The following PCCB variants were observed in gnomAD, a reference collection of about 807,000 sequenced individuals.
PCCB encodes the protein propionyl-CoA carboxylase beta chain, mitochondrial.
In PCCB, 43 loss-of-function variants were observed where a neutral mutation model predicts 60.7. The ratio of observed to expected loss-of-function variants is 0.71; its 90% CI spans 0.55 to 0.91. The LOEUF is 0.91. Ranked by LOEUF, PCCB falls within the 40% of genes least tolerant of loss-of-function variation. PCCB has a pLI of 0.00. For missense variants in PCCB, 766 were observed against 702.8 expected, an observed-to-expected ratio of 1.09 and a Z score of -1.02; for synonymous variants, 276 against 255.9, an observed-to-expected ratio of 1.08 and a Z score of -0.75.
Position 136,316,971 on chromosome 3 carries a change from A to C in PCCB, c.997A>C (p.Met333Leu). 6.2e-7 allele frequency: 1 copy of C among 1,614,130 alleles called. No individual in the cohort carries two copies. The highest frequency in any genetic ancestry group is 8.5e-7 in the Non-Finnish European group (1 of 1,179,972). Reference sequence around the variant, plus strand: ...TGATGAGCGTGAATTTTTTGAGATCATGCCCAATTATGCCAAGAACATCAT... The same window carrying C: ...TGATGAGCGTGAATTTTTTGAGATCCTGCCCAATTATGCCAAGAACATCAT... ...VVDEREFFEI[M>L]PNYAKNIIVG... is the part of the protein sequence containing the mutation. The change falls in exon 10 of 15, where the codon ATG becomes CTG. Residue 333 changes from methionine to leucine, a missense_variant. By Grantham distance (15) the Met-to-Leu change is conservative. Coordinates refer to ENST00000251654, the MANE Select transcript of PCCB (RefSeq NM_000532.5).
intron 10 of PCCB, among the ~76,000 whole-genome samples, chr3:136,320,444 C>T (rs1041161886): frequency 1.3e-5 from 2 of 152,146 alleles, no homozygotes; most frequent in East Asian, 3.8e-4. Flanking sequence ...TTTTATTCTT[C>T]TAGATGTCAT....
intron 6 of PCCB, among the ~76,000 whole-genome samples, chr3:136,286,766 C>G (rs1361391965): frequency 2.0e-5 from 3 of 152,158 alleles, no homozygotes; most frequent in Admixed American, 1.3e-4. Flanking sequence ...AACCTGGGAG[C>G]TGAAGGTTGC....
At chr3:136,324,557 G>T (rs540216992) in intron 10 of PCCB, among the ~76,000 whole-genome samples, 1 of 151,352 alleles carries the variant, frequency 6.6e-6, no homozygotes, top group Admixed American at 6.6e-5. Flanking sequence ...CCCTATTCAC[G>T]GGTGCTTTTG....
Position 136,327,689 on chromosome 3 carries a change from A to G in PCCB, c.1355A>G (p.Asn452Ser), listed in dbSNP as rs746240889. The G allele has an allele frequency of 2.0e-5, 33 of 1,614,062 alleles. No individual in the cohort carries two copies. The highest frequency in any genetic ancestry group is 1.7e-4 in the Middle Eastern group (1 of 6,036). Residue 452 changes from asparagine (N) to serine (S), a missense_variant, in exon 13 of 15, where the codon AAC (asparagine) becomes AGC (serine). Physicochemically the swap from Asn to Ser is conservative, Grantham distance 46. Transcript: ENST00000251654. Reference protein sequence around the residue: ...MSSKHLCGDTNYAWPTAEIAV... With the variant: ...MSSKHLCGDTSYAWPTAEIAV... ...TCTAAGCACCTTTGTGGTGATACCA[A>G]CTATGCCTGGCCCACCGCAGAGATT... is the stretch of plus-strand genomic sequence containing the variant.
chr3:136,273,687 C>T (rs1270322705), intron 5 of PCCB, among the ~76,000 whole-genome samples: 3 of 134,712 alleles, frequency 2.2e-5, no homozygotes, highest in South Asian at 2.5e-4. Context: ...CCAAGACGGG[C>T]GGATCGCGAG....
intron 3 of PCCB, chr3:136,260,072 G>GTT: frequency 3.7e-6 from 1 of 273,134 alleles, no homozygotes; most frequent in Non-Finnish European, 7.0e-6. Flanking sequence ...GTTTTGTTTT[G>GTT]TTTTGTTTTG....
At chr3:136,315,276 G>C (rs551198439) in intron 9 of PCCB, among the ~76,000 whole-genome samples, 1 of 152,154 alleles carries the variant, frequency 6.6e-6, no homozygotes, top group Non-Finnish European at 1.5e-5. Context: ...GGTGGCTCAC[G>C]CCTGTAATCC....
At chr3:136,271,492 G>GA (rs567859732) in intron 5 of PCCB, among the ~76,000 whole-genome samples, 1 of 152,152 alleles carries the variant, frequency 6.6e-6, no homozygotes, top group Non-Finnish European at 1.5e-5. Flanking sequence ...CCATGAGCAT[G>GA]AGATGTGTTT....
chr3:136,251,139 C>A (rs1485193189), intron 1 of PCCB: 1 of 445,048 alleles, frequency 2.2e-6, no homozygotes, highest in Non-Finnish European at 4.5e-6. Flanking sequence ...AGCAAAGGCA[C>A]GTGTCGGAAG....
At chr3:136,323,563 C>T (rs1270292492) in intron 10 of PCCB, among the ~76,000 whole-genome samples, 3 of 152,132 alleles carry the variant, frequency 2.0e-5, no homozygotes, top group South Asian at 2.1e-4. Context: ...GTGGGCAGAT[C>T]ACCTGAGGTC....
intron 5 of PCCB, among the ~76,000 whole-genome samples, chr3:136,279,698 C>T (rs564584626): frequency 3.9e-5 from 6 of 151,960 alleles, no homozygotes; most frequent in South Asian, 2.1e-4. Context: ...GACGGAGTTT[C>T]GCTCTGTCGC....
chr3:136,325,423 T>C (rs1488733805), intron 10 of PCCB, among the ~76,000 whole-genome samples: 5 of 152,116 alleles, frequency 3.3e-5, no homozygotes, highest in African/African-American at 9.7e-5. Context: ...TGGTGCAATC[T>C]TGGCTCACTG....
intron 6 of PCCB, among the ~76,000 whole-genome samples, chr3:136,287,945 G>T (rs1933495620): frequency 6.6e-6 from 1 of 152,110 alleles, no homozygotes; most frequent in Non-Finnish European, 1.5e-5. Flanking sequence ...GCTTCTCTAG[G>T]TAATGCCCGT....
chr3:136,286,222 T>C (rs1004992171), intron 6 of PCCB, among the ~76,000 whole-genome samples: 10 of 152,246 alleles, frequency 6.6e-5, no homozygotes, highest in Non-Finnish European at 1.2e-4. Context: ...CAATTTCTTA[T>C]GTCAGAGATA....
chr3:136,301,256 G>C, intron 9 of PCCB, 145 bp downstream of exon 9: 1 of 716,368 alleles, frequency 1.4e-6, no homozygotes, highest in Non-Finnish European at 2.5e-6. Flanking sequence ...AGGACCAGTG[G>C]CCACTGAGTA....
intron 3 of PCCB, chr3:136,260,054 CT>C: frequency 3.8e-5 from 10 of 259,966 alleles, no homozygotes; most frequent in East Asian, 1.1e-4. Context: ...GCCCGGGCAA[CT>C]TTTTTTGTTT....
At chr3:136,257,848 G>A (rs1033074205) in intron 3 of PCCB, among the ~76,000 whole-genome samples, 1 of 152,098 alleles carries the variant, frequency 6.6e-6, no homozygotes, top group Non-Finnish European at 1.5e-5. Context: ...CAGGAGAATC[G>A]CTTGAACCTG....
At chr3:136,308,148 T>C (rs1253607296) in intron 9 of PCCB, among the ~76,000 whole-genome samples, 2 of 151,748 alleles carry the variant, frequency 1.3e-5, no homozygotes, top group African/African-American at 4.8e-5. Flanking sequence ...AGAAATATAC[T>C]GGGAGAATGG....
intron 6 of PCCB, among the ~76,000 whole-genome samples, chr3:136,285,840 G>A (rs1218957272): frequency 6.6e-6 from 1 of 152,178 alleles, no homozygotes; most frequent in African/African-American, 2.4e-5. Context: ...GCATATTAGT[G>A]AGACTTCCTC....
Sources: allele counts gnomAD v4.1 joint callset (sites outside exome capture counted in the v4.1 genomes callset), GRCh38; gene constraint gnomAD v4.1.1; transcripts MANE v1.5; gene names NCBI Gene and HGNC (gene_info 2026-07-23, HGNC 2026-07-21).